MCF2L: variants seen among roughly 807,000 people sequenced by gnomAD.
The protein encoded by MCF2L is guanine nucleotide exchange factor DBS.
Under a neutral mutation model 153.4 loss-of-function variants are expected in MCF2L, and 97 were observed. The observed-to-expected ratio is 0.63, with a 90% CI of 0.54 to 0.75. MCF2L has a LOEUF of 0.75. Among genes scored for constraint, MCF2L ranks in the 30% least tolerant of loss-of-function variants. The pLI is 0.00. For missense variants in MCF2L, 1,347 were observed against 1,495.2 expected, an observed-to-expected ratio of 0.90 and a Z score of 1.64; for synonymous variants, 659 against 632.2, an observed-to-expected ratio of 1.04 and a Z score of -0.64.
intron 1 of MCF2L, among the ~76,000 whole-genome samples, chr13:113,008,186 G>A (rs2317138): frequency 0.11 from 16,851 of 152,216 alleles, 1,144 homozygotes; most frequent in East Asian, 0.3. Context: ...CAAAGTGTTG[G>A]CATTTATAGG....
intron 2 of MCF2L, among the ~76,000 whole-genome samples, chr13:113,020,801 T>C (rs918257648): frequency 2.1e-5 from 3 of 142,908 alleles, no homozygotes; most frequent in Non-Finnish European, 3.1e-5. Context: ...TGTAGATGTG[T>C]GTATGTATAG....
At chr13:112,916,109 G>A (rs2081289239) in intron 2 of MCF2L, among the ~76,000 whole-genome samples, 1 of 149,144 alleles carries the variant, frequency 6.7e-6, no homozygotes, top group Non-Finnish European at 1.5e-5. Context: ...TCAGGAGGCT[G>A]AGGCAGGAGA....
At chr13:113,051,875 G>A (rs989038740) in intron 4 of MCF2L, among the ~76,000 whole-genome samples, 2 of 148,330 alleles carry the variant, frequency 1.3e-5, no homozygotes, top group Non-Finnish European at 3.0e-5. Flanking sequence ...CCACCCCCAC[G>A]ACAGCCCGTT....
At chr13:112,906,441 C>G (rs1320126065) in intron 2 of MCF2L, among the ~76,000 whole-genome samples, 1 of 152,218 alleles carries the variant, frequency 6.6e-6, no homozygotes, top group East Asian at 1.9e-4. Flanking sequence ...GGGCCTGTCT[C>G]ACTGAGAATG....
intron 1 of MCF2L, among the ~76,000 whole-genome samples, chr13:112,997,449 TGGGGGGCATGGGTG>T (rs2083188123): frequency 6.6e-6 from 1 of 152,098 alleles, no homozygotes. Context: ...GACAGCAGAG[TGGGGGGCATGGGTG>T]TCACTGACCT....
At position 112,943,281 on chromosome 13, in the gene MCF2L, G is replaced by A. The variant is rs2081594879; in HGVS notation, c.169+40910G>A. ...CGCGGCGCCTGTGCTGAGTCCCGAC[G>A]CTGTGCGCCCCACTCCCGAGGCTGT... is the stretch of plus-strand genomic sequence containing the variant. On this transcript the variant is annotated intron_variant, in intron 2 of 29. Coordinates refer to the MCF2L transcript ENST00000375608. This position sits in a 1 kb window ranked among gnomAD's most constrained non-coding sequence, Gnocchi z 4.2. 6.6e-6 allele frequency among the ~76,000 whole-genome samples: 1 copy of A among 152,148 alleles called. No individual in the cohort carries two copies. Among genetic ancestry groups the A allele is most frequent in the South Asian group, 2.1e-4 (1 of 4,834 alleles).
rs1481924516 is a variant in MCF2L at position 112,960,626 on chromosome 13, T to C, written c.170-54137T>C. Among the ~76,000 whole-genome samples, 1 of 152,154 alleles carries C rather than the reference T, an allele frequency of 6.6e-6. No homozygotes were observed. The highest frequency in any genetic ancestry group is 1.5e-5 in the Non-Finnish European group (1 of 68,028). ...GCAGTTGACAGATCACTGCAAACAC[T>C]GGCTAACCACACACATTCATGGTCT... is the stretch of plus-strand genomic sequence containing the variant. On this transcript the variant is annotated intron_variant, in intron 2 of 29. Transcript: ENST00000375608. This position sits in a 1 kb window ranked among gnomAD's most constrained non-coding sequence, Gnocchi z 4.2.
chr13:112,999,986 C>T lies in MCF2L; in HGVS notation c.80-14777C>T, dbSNP rs182454233. Among the ~76,000 whole-genome samples, 559 of 95,508 alleles carry T rather than the reference C, an allele frequency of 5.9e-3. 2 individuals carry two copies. Among genetic ancestry groups the T allele is most frequent in the Middle Eastern group, 0.028 (5 of 180 alleles). 62.7% of individuals were successfully genotyped at this position (95,508 alleles called of 152,430 possible). On this transcript the variant is annotated intron_variant, in intron 1 of 29. Coordinates refer to ENST00000535094, the MANE Select transcript of MCF2L (RefSeq NM_001112732.3). Reference sequence around the variant, plus strand: ...GGAGGCAGGGCTGAGGCACAGGTGGCGAGTGGGCCGGGAATGAAGACGCCG... The same window carrying T: ...GGAGGCAGGGCTGAGGCACAGGTGGTGAGTGGGCCGGGAATGAAGACGCCG...
At chr13:113,076,988 G>C in intron 12 of MCF2L, 64 bp from the exon 13 acceptor site, 3 of 1,541,954 alleles carry the variant, frequency 1.9e-6, no homozygotes, top group South Asian at 2.4e-5. Flanking sequence ...TTCTGCGCCT[G>C]ACTGTGTATT....
At position 113,053,570 on chromosome 13, in the gene MCF2L, C is replaced by T. The variant is rs528312958; in HGVS notation, c.370-7023C>T. On this transcript the variant is annotated intron_variant, in intron 4 of 29. Coordinates refer to ENST00000535094, the MANE Select transcript of MCF2L (RefSeq NM_001112732.3). The surrounding 1 kb of genome is among the most constrained non-coding windows in gnomAD (Gnocchi z 4.4). ...ATTTCCCCAGGAGAAGGTGCCTCTC[C>T]TCTTGGTAATCAGTGGGTCATGTGT... 4.3e-4 allele frequency among the ~76,000 whole-genome samples: 65 copies of T among 152,286 alleles called. 3 individuals carry two copies. The South Asian group carries it at 0.013, about 30-fold the overall frequency.
intron 1 of MCF2L, among the ~76,000 whole-genome samples, chr13:112,899,766 C>T (rs765605299): frequency 2.6e-5 from 4 of 152,204 alleles, no homozygotes; most frequent in Non-Finnish European, 4.4e-5. Context: ...GCCCTGTGGA[C>T]GGAGGGATCG....
chr13:112,969,352 G>A lies in MCF2L; in HGVS notation c.-28G>A. On this transcript the variant is annotated 5_prime_UTR_variant, in exon 1 of 30. Coordinates refer to ENST00000535094, the MANE Select transcript of MCF2L (RefSeq NM_001112732.3). This position sits in a 1 kb window ranked among gnomAD's most constrained non-coding sequence, Gnocchi z 4.8. ...CCCCCCGTGCGGAGGAAGCGGATCT[G>A]CCAGGATCATTTTTGTTGTGTCGGA... The A allele has an allele frequency of 1.9e-6, 3 of 1,549,520 alleles. No homozygotes were observed. Among genetic ancestry groups the A allele is most frequent in the Non-Finnish European group, 2.6e-6 (3 of 1,146,344 alleles).
intron 27 of MCF2L, 91 bp downstream of exon 27, chr13:113,094,726 T>C (rs1280350492): frequency 1.4e-6 from 2 of 1,464,792 alleles, no homozygotes; most frequent in Non-Finnish European, 1.8e-6. Context: ...GCTTGGGTCT[T>C]AGGACACAGC....
At chr13:113,017,443 C>G (rs924179585) in intron 2 of MCF2L, among the ~76,000 whole-genome samples, 1 of 152,196 alleles carries the variant, frequency 6.6e-6, no homozygotes, top group Non-Finnish European at 1.5e-5. Context: ...ACACCCGTCA[C>G]GAGATTTAGG....
intron 2 of MCF2L, among the ~76,000 whole-genome samples, chr13:112,962,990 G>C (rs1294790096): frequency 6.6e-6 from 1 of 152,202 alleles, no homozygotes; most frequent in African/African-American, 2.4e-5. Flanking sequence ...GCAGCTAAAA[G>C]GTGTTTGAAG....
intron 25 of MCF2L, among the ~76,000 whole-genome samples, 154 bp from the exon 26 acceptor site, chr13:113,089,456 C>T (rs1196719518): frequency 1.3e-5 from 2 of 152,070 alleles, no homozygotes; most frequent in South Asian, 2.1e-4. Context: ...TCATCCAGTC[C>T]GTCCGGGTTT....
rs201594028 is a variant in MCF2L, at chr13:113,085,187, C to T, written c.2247+9C>T. On this transcript the variant is annotated intron_variant, in intron 20 of 29. Coordinates refer to ENST00000535094, the MANE Select transcript of MCF2L (RefSeq NM_001112732.3). Reference sequence around the variant, plus strand: ...ACCAGCTGCTGCTCAAGGTGGGCTCCGCGGTGACCGTGGCCCGGCCTCCCC... The same window carrying T: ...ACCAGCTGCTGCTCAAGGTGGGCTCTGCGGTGACCGTGGCCCGGCCTCCCC... The T allele has an allele frequency of 1.2e-4, 189 of 1,612,368 alleles. No homozygotes were observed. The East Asian group carries it at 3.1e-3, about 27-fold the overall frequency.
chr13:113,093,778 GTTTA>G (rs969112763), intron 26 of MCF2L: 3 of 152,380 alleles, frequency 2.0e-5, no homozygotes, highest in Admixed American at 6.5e-5. Context: ...GGCTTTGCGT[GTTTA>G]TTTAGCCCCA....
Position 113,022,824 on chromosome 13 carries a change from C to T in MCF2L, c.164-1820C>T, listed in dbSNP as rs575894869. Among the ~76,000 whole-genome samples the T allele has an allele frequency of 9.2e-5, 14 of 152,346 alleles. No individual in the cohort carries two copies. In the South Asian group the frequency reaches 2.5e-3, roughly 27 times the overall value. ...CGTACTCGCACAGGAGGACACAGGG[C>T]TGCAGTGTTCACTCCAGGGCCTCTT... On this transcript the variant is annotated intron_variant, in intron 2 of 29. Transcript: ENST00000535094.
Sources: gnomAD v4.1 joint callset for allele counts (sites outside exome capture counted in the v4.1 genomes callset) on GRCh38, gnomAD v4.1.1 for gene constraint, Gnocchi (gnomAD v3.1) non-coding constraint, MANE v1.5 for transcripts, NCBI Gene and HGNC (gene_info 2026-07-23, HGNC 2026-07-21) for gene names.